The following CDON variants were observed in gnomAD, a reference collection of about 807,000 sequenced individuals.
The protein encoded by CDON is cell adhesion associated, oncogene regulated.
A neutral mutation model predicts 120.9 loss-of-function variants in CDON; 73 were observed. The observed-to-expected ratio is 0.60, with a 90% CI of 0.50 to 0.73. CDON has a LOEUF of 0.73. Ranked by LOEUF, CDON falls within the 30% of genes least tolerant of loss-of-function variation. The pLI is 0.00. For synonymous variants in CDON, 566 were observed against 573.5 expected (o/e 0.99, Z 0.19); for missense variants, 1,470 against 1,587.3 (o/e 0.93, Z 1.26).
chr11:126,050,685 A>T (rs2134908701), intron 1 of CDON, among the ~76,000 whole-genome samples: 2 of 152,328 alleles, frequency 1.3e-5, no homozygotes, highest in East Asian at 3.9e-4. Context: ...GCCGAAATAC[A>T]AACTCCTCAG....
intron 18 of CDON, among the ~76,000 whole-genome samples, chr11:125,967,024 TAA>T (rs11372251): frequency 7.0e-6 from 1 of 143,380 alleles, no homozygotes; most frequent in Non-Finnish European, 1.5e-5. Flanking sequence ...GCAACAGATT[TAA>T]AAAAAAAAAA....
chr11:125,967,280 A>G (rs142057238), intron 18 of CDON, among the ~76,000 whole-genome samples: 450 of 152,356 alleles, frequency 3.0e-3, no homozygotes, highest in African/African-American at 0.01. Flanking sequence ...CTAATGTCAT[A>G]ATGGCTAGCA....
chr11:125,975,754 A>C (rs11220295), intron 18 of CDON, among the ~76,000 whole-genome samples: 12,349 of 152,306 alleles, frequency 0.081, 572 homozygotes, highest in Admixed American at 0.15. Flanking sequence ...CAAGTGATGC[A>C]CGCTAAAGTT....
Position 125,960,876 on chromosome 11 carries a change from G to A in CDON, c.*66C>T, listed in dbSNP as rs1945622037. On this transcript the variant is annotated 3_prime_UTR_variant, in exon 20 of 20. Transcript: ENST00000531738. ...TGAATTAAGGTCCTTCACACAGTTC[G>A]CTCCCAGGCCTGTTGTGTGCAGTTA... 4.2e-6 allele frequency: 6 copies of A among 1,439,026 alleles called. No homozygotes were observed. The highest frequency in any genetic ancestry group is 2.3e-5 in the South Asian group (2 of 87,444). The allele number at this position is 1,439,026 out of a possible 1,614,324, so 89.1% of individuals were successfully genotyped here. A position where few individuals can be genotyped will look rare whatever the true frequency, so the allele number is the denominator to read the frequency against.
chr11:126,014,254 A>G (rs1418608464), intron 7 of CDON, among the ~76,000 whole-genome samples: 3 of 152,180 alleles, frequency 2.0e-5, no homozygotes, highest in African/African-American at 7.2e-5. Flanking sequence ...AATTTTTTCA[A>G]TGAGCGAAAG....
rs752466092 is a variant in CDON, at chr11:125,981,293, T to C, written c.3032A>G (p.Asp1011Gly). Reference protein sequence around the residue: ...DPPGYLYQGSDMNGQMVDYTT... With the variant: ...DPPGYLYQGSGMNGQMVDYTT... ...GTAGTCCACCATCTGCCCGTTCATA[T>C]CTGATCCTTGGTAGAGATATCCTGG... The change falls in exon 17 of 20, where the codon GAT becomes GGT. Residue 1011 changes from aspartate (D) to glycine (G), a missense_variant. Physicochemically the swap from Asp to Gly is moderately conservative, Grantham distance 94. Coordinates refer to ENST00000531738, the MANE Select transcript of CDON (RefSeq NM_001378964.1). The C allele has an allele frequency of 1.9e-6, 3 of 1,614,084 alleles. No individual in the cohort carries two copies. The highest frequency in any genetic ancestry group is 3.3e-5 in the Admixed American group (2 of 60,018).
intron 1 of CDON, among the ~76,000 whole-genome samples, chr11:126,054,429 GCAT>G (rs1479115501): frequency 6.6e-6 from 1 of 152,138 alleles, no homozygotes; most frequent in Non-Finnish European, 1.5e-5. Context: ...GCATGTCCCA[GCAT>G]CTTCAATATG....
At chr11:126,017,447 G>A (rs992791839) in intron 5 of CDON, 72 bp from the exon 6 acceptor site, 2 of 1,420,654 alleles carry the variant, frequency 1.4e-6, no homozygotes, top group Non-Finnish European at 2.0e-6. Flanking sequence ...CAAACCTGTG[G>A]GCATCACCAT....
At chr11:125,964,525 T>C (rs1198894033) in intron 18 of CDON, among the ~76,000 whole-genome samples, 4 of 151,966 alleles carry the variant, frequency 2.6e-5, no homozygotes, top group African/African-American at 7.3e-5. Flanking sequence ...CCAGAAACTC[T>C]GCAAGTTTGT....
chr11:126,011,631 T>C (rs1045228616), intron 7 of CDON, among the ~76,000 whole-genome samples: 1 of 152,232 alleles, frequency 6.6e-6, no homozygotes, highest in African/African-American at 2.4e-5. Flanking sequence ...TTCTTTTGTT[T>C]AGGTATGCAT....
At chr11:125,977,893 TTAC>T (rs1946189668) in intron 18 of CDON, among the ~76,000 whole-genome samples, 1 of 151,002 alleles carries the variant, frequency 6.6e-6, no homozygotes, top group Admixed American at 6.6e-5. Flanking sequence ...GTGAAAAAAA[TTAC>T]TATATACAGA....
At chr11:125,986,773 A>AC (rs1317091455) in intron 15 of CDON, among the ~76,000 whole-genome samples, 1 of 151,988 alleles carries the variant, frequency 6.6e-6, no homozygotes, top group African/African-American at 2.4e-5. Context: ...CTCAAAAAAA[A>AC]AAAAAATCTA....
intron 6 of CDON, 59 bp from the exon 7 acceptor site, chr11:126,015,569 A>G: frequency 6.5e-7 from 1 of 1,548,080 alleles, no homozygotes; most frequent in East Asian, 2.3e-5. Flanking sequence ...TTAAATTATC[A>G]CTCGAGTGAT....
chr11:125,979,222 G>T (rs1012867314), intron 17 of CDON, among the ~76,000 whole-genome samples: 1 of 152,154 alleles, frequency 6.6e-6, no homozygotes. Context: ...AAAAGTTCAG[G>T]CAATTGTTTT....
intron 1 of CDON, among the ~76,000 whole-genome samples, chr11:126,045,173 G>A (rs1052919182): frequency 6.6e-6 from 1 of 152,120 alleles, no homozygotes; most frequent in African/African-American, 2.4e-5. Context: ...TTACAGGCAC[G>A]CGCCACCATG....
chr11:125,968,996 C>CTATTAT (rs566049750), intron 18 of CDON, among the ~76,000 whole-genome samples: 1 of 151,946 alleles, frequency 6.6e-6, no homozygotes, highest in Non-Finnish European at 1.5e-5. Flanking sequence ...TATATGAAAA[C>CTATTAT]TATTATTATT....
intron 1 of CDON, among the ~76,000 whole-genome samples, chr11:126,036,874 A>C (rs1230999654): frequency 6.6e-6 from 1 of 152,148 alleles, no homozygotes; most frequent in Non-Finnish European, 1.5e-5. Flanking sequence ...CTTTTTGTAG[A>C]GACAGGGTCT....
At chr11:126,024,590 C>A (rs1190152902) in intron 1 of CDON, among the ~76,000 whole-genome samples, 2 of 152,046 alleles carry the variant, frequency 1.3e-5, no homozygotes, top group African/African-American at 4.8e-5. Flanking sequence ...AGAGAGGGTT[C>A]ATCACTGGTT....
Position 125,981,032 on chromosome 11 carries a change from A to G in CDON, c.3276+17T>C. 2 of 1,613,728 alleles carry G rather than the reference A, an allele frequency of 1.2e-6. No individual in the cohort carries two copies. Among genetic ancestry groups the G allele is most frequent in the Non-Finnish European group, 1.7e-6 (2 of 1,179,680 alleles). ...CTGAGGGACAGAGGGGCTTTTATTT[A>G]TAGTTAGGTCTCTTACATTCACTAG... is the stretch of plus-strand genomic sequence containing the variant. On this transcript the variant is annotated intron_variant, in intron 17 of 19. Transcript: ENST00000531738.
Sources: gnomAD v4.1 joint callset for allele counts (sites outside exome capture counted in the v4.1 genomes callset) on GRCh38, gnomAD v4.1.1 for gene constraint, MANE v1.5 for transcripts, NCBI Gene and HGNC (gene_info 2026-07-23, HGNC 2026-07-21) for gene names.